OPCML: variants seen among roughly 807,000 people sequenced by gnomAD.
The protein encoded by OPCML is opioid binding protein/cell adhesion molecule like.
Under a neutral mutation model 37.8 loss-of-function variants are expected in OPCML, and 13 were observed. That is an observed-to-expected ratio of 0.34 (90% CI 0.22 to 0.55). OPCML has a LOEUF of 0.55. OPCML is among the 20% of genes least tolerant of loss of function. The pLI is 0.91. For synonymous variants in OPCML, 176 were observed against 168.8 expected (o/e 1.04, Z -0.33); for missense variants, 341 against 435.6 (o/e 0.78, Z 1.93).
At chr11:133,307,503 T>C (rs992928121) in intron 1 of OPCML, among the ~76,000 whole-genome samples, 1 of 152,188 alleles carries the variant, frequency 6.6e-6, no homozygotes, top group African/African-American at 2.4e-5. Context: ...AAATTTGTTT[T>C]TCTGCACTGC....
intron 1 of OPCML, among the ~76,000 whole-genome samples, chr11:133,401,255 CA>C (rs1270021370): frequency 6.6e-6 from 1 of 152,004 alleles, no homozygotes; most frequent in Non-Finnish European, 1.5e-5. Flanking sequence ...AGATAAGAAT[CA>C]AATATCCAAT....
intron 1 of OPCML, among the ~76,000 whole-genome samples, chr11:133,406,543 T>C (rs1311997128): frequency 2.0e-5 from 3 of 152,186 alleles, no homozygotes; most frequent in Non-Finnish European, 4.4e-5. Context: ...TTAACTTAAG[T>C]TGTAGGAGCC....
chr11:132,876,732 A>T (rs974674932), intron 2 of OPCML, among the ~76,000 whole-genome samples: 1 of 152,166 alleles, frequency 6.6e-6, no homozygotes, highest in African/African-American at 2.4e-5. Flanking sequence ...GCCCAAAACG[A>T]TGTGCGGAGA....
At chr11:132,470,402 A>G (rs2096134232) in intron 4 of OPCML, among the ~76,000 whole-genome samples, 1 of 152,186 alleles carries the variant, frequency 6.6e-6, no homozygotes, top group South Asian at 2.1e-4. Context: ...TGAGATGGAT[A>G]GCCGTGTCAG....
intron 1 of OPCML, among the ~76,000 whole-genome samples, chr11:133,317,933 T>C (rs573100665): frequency 1.0e-3 from 152 of 152,326 alleles, no homozygotes; most frequent in African/African-American, 3.6e-3. Context: ...TGCCTATTAT[T>C]AGGCCCACAT....
chr11:132,649,347 C>G (rs1447253461), intron 3 of OPCML, among the ~76,000 whole-genome samples: 1 of 152,098 alleles, frequency 6.6e-6, no homozygotes, highest in Non-Finnish European at 1.5e-5. Context: ...AGGTCACAAT[C>G]TAGGAGACGC....
intron 1 of OPCML, among the ~76,000 whole-genome samples, chr11:133,346,747 T>C (rs966527603): frequency 1.3e-5 from 2 of 152,224 alleles, no homozygotes; most frequent in African/African-American, 4.8e-5. Context: ...TTACCACTTG[T>C]TTGATTAATT....
intron 2 of OPCML, among the ~76,000 whole-genome samples, chr11:132,875,286 C>T (rs567266486): frequency 2.6e-4 from 40 of 152,102 alleles, no homozygotes; most frequent in Middle Eastern, 3.4e-3. Flanking sequence ...TCACCTTGGA[C>T]GAGTCACTTC....
intron 1 of OPCML, among the ~76,000 whole-genome samples, chr11:132,997,570 G>A (rs1338694692): frequency 6.6e-6 from 1 of 152,146 alleles, no homozygotes; most frequent in Non-Finnish European, 1.5e-5. Flanking sequence ...CCGCAATGCT[G>A]GGGCTCATGT....
chr11:132,781,682 A>G (rs946390226), intron 2 of OPCML, among the ~76,000 whole-genome samples: 3 of 151,322 alleles, frequency 2.0e-5, no homozygotes, highest in African/African-American at 7.3e-5. Flanking sequence ...TCACACCTGG[A>G]TGAGTCCCAG....
At chr11:132,742,740 T>C (rs772160581) in intron 2 of OPCML, among the ~76,000 whole-genome samples, 8 of 148,502 alleles carry the variant, frequency 5.4e-5, no homozygotes, top group Non-Finnish European at 1.0e-4. Flanking sequence ...AATAAAAATA[T>C]ATATATATTA....
chr11:133,489,569 A>G (rs1034428578), intron 1 of OPCML, among the ~76,000 whole-genome samples: 3 of 152,186 alleles, frequency 2.0e-5, no homozygotes, highest in South Asian at 4.1e-4. Flanking sequence ...TAAAAAGTCA[A>G]AAAACAACAG....
chr11:132,728,548 C>T (rs1335844507), intron 2 of OPCML, among the ~76,000 whole-genome samples: 2 of 151,788 alleles, frequency 1.3e-5, no homozygotes, highest in African/African-American at 4.8e-5. Context: ...TTTTAATCAC[C>T]TGCTCACTTG....
At chr11:132,920,506 G>C (rs1222718642) in intron 2 of OPCML, among the ~76,000 whole-genome samples, 2 of 152,188 alleles carry the variant, frequency 1.3e-5, no homozygotes, top group Non-Finnish European at 1.5e-5. Context: ...TGCTGTCTTG[G>C]ATCGCAGCCC....
chr11:132,733,905 A>G (rs1308057093), intron 2 of OPCML, among the ~76,000 whole-genome samples: 1 of 152,218 alleles, frequency 6.6e-6, no homozygotes, highest in East Asian at 1.9e-4. Flanking sequence ...CAAAAGCAGT[A>G]TCAAGTCAGA....
chr11:132,616,356 G>T (rs1357880411), intron 3 of OPCML, among the ~76,000 whole-genome samples: 1 of 152,150 alleles, frequency 6.6e-6, no homozygotes, highest in Non-Finnish European at 1.5e-5. Flanking sequence ...AAGTTAGTTT[G>T]GTTCACCTCC....
chr11:133,207,249 G>T (rs1037155378), intron 1 of OPCML, among the ~76,000 whole-genome samples: 1 of 151,948 alleles, frequency 6.6e-6, no homozygotes, highest in South Asian at 2.1e-4. Flanking sequence ...GTAGTGAGCC[G>T]AGATCAAGCC....
chr11:132,655,187 C>A (rs1432846591), intron 3 of OPCML, among the ~76,000 whole-genome samples: 6 of 152,160 alleles, frequency 3.9e-5, no homozygotes, highest in Admixed American at 1.3e-4. Context: ...CTCTACAGTG[C>A]CTGACAGTTC....
At chr11:133,420,626 G>T in intron 1 of OPCML, 1 of 985,280 alleles carries the variant, frequency 1.0e-6, no homozygotes, top group Non-Finnish European at 1.2e-6. Flanking sequence ...ATGATCATGG[G>T]ATTAAGGGTA....
Sources: allele counts gnomAD v4.1 joint callset (sites outside exome capture counted in the v4.1 genomes callset), GRCh38; gene constraint gnomAD v4.1.1; transcripts MANE v1.5; gene names NCBI Gene and HGNC (gene_info 2026-07-23, HGNC 2026-07-21).